The following PDGFD variants were observed in gnomAD, a reference collection of about 807,000 sequenced individuals.
PDGFD encodes platelet-derived growth factor D.
In PDGFD, 30 loss-of-function variants were observed where a neutral mutation model predicts 44.7. The observed-to-expected ratio is 0.67, with a 90% CI of 0.50 to 0.91. The LOEUF is 0.91. Among genes scored for constraint, PDGFD ranks in the 40% least tolerant of loss-of-function variants. The pLI, the probability that PDGFD is intolerant of heterozygous loss-of-function variation, is 0.00. For missense variants in PDGFD, 445 were observed against 457.8 expected (o/e 0.97, Z 0.25); for synonymous variants, 173 against 168.4 (o/e 1.03, Z -0.21).
At chr11:104,052,995 T>C (rs761606122) in intron 1 of PDGFD, among the ~76,000 whole-genome samples, 1 of 152,198 alleles carries the variant, frequency 6.6e-6, no homozygotes, top group Non-Finnish European at 1.5e-5. Context: ...ATATTGGTGG[T>C]AACAGTGACT....
chr11:104,118,279 TAAG>T (rs1468953175), intron 1 of PDGFD, among the ~76,000 whole-genome samples: 5 of 151,708 alleles, frequency 3.3e-5, no homozygotes, highest in Admixed American at 1.3e-4. Flanking sequence ...AGTCCCCTTA[TAAG>T]AAGAGACACA....
intron 1 of PDGFD, among the ~76,000 whole-genome samples, chr11:104,161,636 G>T (rs1028588849): frequency 4.6e-5 from 7 of 152,234 alleles, no homozygotes; most frequent in Admixed American, 2.6e-4. Context: ...CCACAGAAAT[G>T]TATATCTATT....
intron 1 of PDGFD, among the ~76,000 whole-genome samples, chr11:104,158,093 A>C (rs1013368589): frequency 1.3e-5 from 2 of 152,180 alleles, no homozygotes; most frequent in African/African-American, 4.8e-5. Flanking sequence ...CCTCAAGTCT[A>C]TATTAGGTGC....
chr11:103,986,873 A>G (rs1565303407), intron 3 of PDGFD, among the ~76,000 whole-genome samples: 1 of 152,172 alleles, frequency 6.6e-6, no homozygotes, highest in Non-Finnish European at 1.5e-5. Flanking sequence ...TCACTATTCT[A>G]AAATCTAAGA....
chr11:103,937,715 C>A, intron 5 of PDGFD, among the ~76,000 whole-genome samples: 1 of 116,484 alleles, frequency 8.6e-6, no homozygotes, highest in Non-Finnish European at 1.7e-5. Context: ...CCCCCCACCC[C>A]ACAACAGTCC....
chr11:103,962,867 G>A (rs1858960839), intron 3 of PDGFD, among the ~76,000 whole-genome samples: 1 of 152,070 alleles, frequency 6.6e-6, no homozygotes. Flanking sequence ...TCCAAAATGA[G>A]TACAATCTTT....
At chr11:104,001,650 C>T (rs994894035) in intron 1 of PDGFD, among the ~76,000 whole-genome samples, 2 of 152,216 alleles carry the variant, frequency 1.3e-5, no homozygotes, top group South Asian at 4.1e-4. Context: ...CTTTTCATCT[C>T]TCTCAATATT....
At chr11:103,998,109 A>AAT (rs754939094) in intron 2 of PDGFD, among the ~76,000 whole-genome samples, 11 of 152,146 alleles carry the variant, frequency 7.2e-5, no homozygotes, top group African/African-American at 2.7e-4. Context: ...AATAATAAGA[A>AAT]ATATATATAT....
intron 1 of PDGFD, among the ~76,000 whole-genome samples, chr11:104,159,892 T>C (rs921855578): frequency 1.3e-5 from 2 of 152,216 alleles, no homozygotes; most frequent in Admixed American, 6.5e-5. Flanking sequence ...AAAAAGTTTC[T>C]ATAAAATGAT....
At chr11:104,101,140 T>C (rs2134445155) in intron 1 of PDGFD, among the ~76,000 whole-genome samples, 1 of 152,164 alleles carries the variant, frequency 6.6e-6, no homozygotes, top group Non-Finnish European at 1.5e-5. Flanking sequence ...GGTATTCAAT[T>C]AGGAAAAGAG....
At chr11:103,913,753 C>T (rs1007640407) in intron 6 of PDGFD, among the ~76,000 whole-genome samples, 9 of 151,842 alleles carry the variant, frequency 5.9e-5, no homozygotes, top group African/African-American at 2.2e-4. Context: ...GACCACTAGA[C>T]AGACTAATAA....
chr11:104,073,441 G>C (rs1274440120), intron 1 of PDGFD, among the ~76,000 whole-genome samples: 1 of 152,080 alleles, frequency 6.6e-6, no homozygotes, highest in Non-Finnish European at 1.5e-5. Context: ...AAGCATATTT[G>C]GAATTTTCTA....
intron 1 of PDGFD, among the ~76,000 whole-genome samples, chr11:104,057,363 T>C (rs1860636814): frequency 6.6e-6 from 1 of 152,212 alleles, no homozygotes; most frequent in African/African-American, 2.4e-5. Flanking sequence ...CACAGTCTGA[T>C]ATCATAATTT....
At chr11:103,946,108 A>G (rs1476354256) in intron 4 of PDGFD, 2 of 151,614 alleles carry the variant, frequency 1.3e-5, no homozygotes, top group African/African-American at 4.9e-5. Context: ...ATAAAAATCA[A>G]TTCTGAAGTT....
At chr11:103,952,491 T>C (rs1443684612) in intron 3 of PDGFD, among the ~76,000 whole-genome samples, 1 of 152,186 alleles carries the variant, frequency 6.6e-6, no homozygotes, top group Non-Finnish European at 1.5e-5. Context: ...GGTCCTATAG[T>C]CCATGTAGGG....
At chr11:104,118,233 T>C (rs920849724) in intron 1 of PDGFD, among the ~76,000 whole-genome samples, 2 of 151,726 alleles carry the variant, frequency 1.3e-5, no homozygotes, top group African/African-American at 4.8e-5. Context: ...TGAGAGGTAA[T>C]TAGATCATGA....
chr11:103,964,214 TATA>T (rs1489926939), intron 3 of PDGFD, among the ~76,000 whole-genome samples: 1 of 152,162 alleles, frequency 6.6e-6, no homozygotes, highest in Non-Finnish European at 1.5e-5. Context: ...TTTTCTCTGT[TATA>T]ATAATAGCTT....
intron 1 of PDGFD, among the ~76,000 whole-genome samples, chr11:104,108,683 C>T (rs1436844265): frequency 1.3e-5 from 2 of 152,130 alleles, no homozygotes; most frequent in African/African-American, 4.8e-5. Flanking sequence ...CCATTTGACC[C>T]AGCCATTCCA....
intron 1 of PDGFD, among the ~76,000 whole-genome samples, chr11:104,017,268 C>T (rs538147724): frequency 7.2e-5 from 11 of 152,092 alleles, no homozygotes; most frequent in South Asian, 2.1e-4. Flanking sequence ...ACCTGGTGTG[C>T]GGTATTTTAT....
Sources: gnomAD v4.1 joint callset for allele counts (sites outside exome capture counted in the v4.1 genomes callset) on GRCh38, gnomAD v4.1.1 for gene constraint, MANE v1.5 for transcripts, NCBI Gene and HGNC (gene_info 2026-07-23, HGNC 2026-07-21) for gene names.